UHRF2: variants seen among roughly 807,000 people sequenced by gnomAD.
UHRF2 encodes the protein ubiquitin like with PHD and ring finger domains 2.
Under a neutral mutation model 96.8 loss-of-function variants are expected in UHRF2, and 23 were observed. That is an observed-to-expected ratio of 0.24 (90% CI 0.17 to 0.34). The LOEUF is 0.34. Ranked by LOEUF, UHRF2 falls within the 10% of genes least tolerant of loss-of-function variation. UHRF2 has a pLI of 1.00. For missense variants in UHRF2, 685 were observed against 981.5 expected (o/e 0.70, Z 4.04); for synonymous variants, 385 against 332.6 (o/e 1.16, Z -1.72).
intron 2 of UHRF2, among the ~76,000 whole-genome samples, chr9:6,421,853 G>A (rs1263228408): frequency 3.9e-5 from 6 of 152,114 alleles, no homozygotes; most frequent in Non-Finnish European, 5.9e-5. Context: ...TCTCTAGGCA[G>A]TATGTTTTGT....
At chr9:6,445,615 T>G (rs1821440609) in intron 3 of UHRF2, among the ~76,000 whole-genome samples, 1 of 152,198 alleles carries the variant, frequency 6.6e-6, no homozygotes, top group Non-Finnish European at 1.5e-5. Context: ...TGGAGTGCAG[T>G]GGCACAACCA....
chr9:6,441,077 G>T (rs929107096), intron 3 of UHRF2, among the ~76,000 whole-genome samples: 1 of 152,158 alleles, frequency 6.6e-6, no homozygotes, highest in Admixed American at 6.6e-5. Context: ...TCAGCACCAC[G>T]TGTTAGAAAT....
Position 6,499,821 on chromosome 9 carries a change from TCCC to T in UHRF2, c.1909-8_1909-6del. On this transcript the variant is annotated splice_polypyrimidine_tract_variant and intron_variant, in intron 12 of 15. Coordinates refer to ENST00000276893, the MANE Select transcript of UHRF2 (RefSeq NM_152896.3). ...TAAATCTGCATTGTACTCTCCCTCCTCCCCCCCCATCAGTATCCAGCAGGTTAC... is the reference window on the plus strand; with the variant it reads ...TAAATCTGCATTGTACTCTCCCTCCTCCCCCATCAGTATCCAGCAGGTTAC... The T allele has an allele frequency of 1.3e-6, 2 of 1,532,710 alleles. No homozygotes were observed. The highest frequency in any genetic ancestry group is 1.8e-6 in the Non-Finnish European group (2 of 1,125,478). The allele number at this position is 1,532,710 out of a possible 1,614,324, so 94.9% of individuals were successfully genotyped here.
Position 6,503,308 on chromosome 9 carries a change from A to G in UHRF2, c.2164-1285A>G, listed in dbSNP as rs577891507. Among the ~76,000 whole-genome samples the G allele has an allele frequency of 3.3e-5, 5 of 152,222 alleles. 1 individual carries two copies. The South Asian group carries it at 8.3e-4, about 25-fold the overall frequency. On this transcript the variant is annotated intron_variant, in intron 14 of 15. Transcript: ENST00000276893. ...ACCATGCTTGGCCTTAACTTTTTCT[A>G]TTAATATAAAAAATAAATATGAAAT...
chr9:6,497,929 G>C, intron 11 of UHRF2, 89 bp from the exon 12 acceptor site: 5 of 1,507,244 alleles, frequency 3.3e-6, no homozygotes, highest in South Asian at 1.3e-5. Context: ...GTTGCATTTA[G>C]TTCTGGCAAA....
rs1327175500 is a variant in UHRF2 at position 6,413,259 on chromosome 9, C to A, written c.-232C>A. ...CTTCCTATCTTTGAGGCGGTGTCTG[C>A]GGCAGCGCCTCAGAGTGGTTCCGGT... On this transcript the variant is annotated 5_prime_UTR_variant, in exon 1 of 16. Transcript: ENST00000276893. The A allele has an allele frequency of 9.9e-6, 2 of 201,416 alleles. No individual in the cohort carries two copies. Among genetic ancestry groups the A allele is most frequent in the Admixed American group, 1.2e-4 (2 of 16,648 alleles). The allele number at this position is 201,416 out of a possible 1,614,324, so 12.5% of individuals were successfully genotyped here.
chr9:6,487,368 T>C (rs1824364752), intron 9 of UHRF2, among the ~76,000 whole-genome samples: 1 of 151,916 alleles, frequency 6.6e-6, no homozygotes, highest in Non-Finnish European at 1.5e-5. Flanking sequence ...TTTGTATTTT[T>C]ATGTATTTAT....
In UHRF2 at chr9:6,436,938, C is replaced by T. The variant is rs180996835; in HGVS notation, c.644+2765C>T. On this transcript the variant is annotated intron_variant, in intron 3 of 15. Coordinates refer to ENST00000276893, the MANE Select transcript of UHRF2 (RefSeq NM_152896.3). Reference sequence around the variant, plus strand: ...ACTTTCTTTGAAAAATGAAAGATAACAGAAGCTTAGTAACAGGTAAATGTC... The same window carrying T: ...ACTTTCTTTGAAAAATGAAAGATAATAGAAGCTTAGTAACAGGTAAATGTC... Among the ~76,000 whole-genome samples, 647 of 152,138 alleles carry T rather than the reference C, an allele frequency of 4.3e-3. 1 individual carries two copies. Among genetic ancestry groups the T allele is most frequent in the Middle Eastern group, 0.02 (6 of 294 alleles).
Position 6,504,642 on chromosome 9 carries a change from A to C in UHRF2, c.2213A>C (p.Glu738Ala). 1 of 1,613,910 alleles carries C rather than the reference A, an allele frequency of 6.2e-7. No homozygotes were observed. Among genetic ancestry groups the C allele is most frequent in the Non-Finnish European group, 8.5e-7 (1 of 1,179,882 alleles). The stretch of plus-strand genomic sequence containing the variant: ...TCTTTTATGTGCGTTTGCTGTCAGG[A>C]GCTAGTTTACCAGCCTGTGACAACT... ...EQSFMCVCCQ[E>A]LVYQPVTTEC... The change falls in exon 15 of 16, where the codon GAG (glutamate) becomes GCG (alanine). Residue 738 changes from glutamate (E) to alanine (A), a missense_variant. Glu to Ala is a moderately radical substitution (Grantham distance 107). Transcript: ENST00000276893.
In UHRF2 at chr9:6,413,656, C is replaced by T. The variant is rs777678931; in HGVS notation, c.153+13C>T. ...CCGGGGCAAGCAGGTGAGGCGCGCC[C>T]GCCGCGCCCCTAGCGAGGCTGGGGG... On this transcript the variant is annotated intron_variant, in intron 1 of 15. Coordinates refer to ENST00000276893, the MANE Select transcript of UHRF2 (RefSeq NM_152896.3). 3 of 1,564,154 alleles carry T rather than the reference C, an allele frequency of 1.9e-6. No homozygotes were observed. Among genetic ancestry groups the T allele is most frequent in the Non-Finnish European group, 2.6e-6 (3 of 1,158,420 alleles).
intron 2 of UHRF2, among the ~76,000 whole-genome samples, chr9:6,424,502 T>C (rs1820127926): frequency 6.6e-6 from 1 of 152,238 alleles, no homozygotes; most frequent in Non-Finnish European, 1.5e-5. Flanking sequence ...TTATTTGTGT[T>C]ACCACCTCCA....
intron 9 of UHRF2, among the ~76,000 whole-genome samples, chr9:6,489,365 C>G (rs1389716430): frequency 6.6e-6 from 1 of 152,196 alleles, no homozygotes; most frequent in Non-Finnish European, 1.5e-5. Flanking sequence ...GATAAAGCTA[C>G]AGTAAATATT....
At chr9:6,458,555 C>G (rs1468341288) in intron 3 of UHRF2, among the ~76,000 whole-genome samples, 2 of 151,264 alleles carry the variant, frequency 1.3e-5, no homozygotes, top group African/African-American at 4.9e-5. Context: ...TGTGTTTGCT[C>G]TTGCTTCTCT....
intron 4 of UHRF2, among the ~76,000 whole-genome samples, chr9:6,466,848 C>G (rs149441956): frequency 3.9e-5 from 6 of 152,212 alleles, no homozygotes; most frequent in Non-Finnish European, 8.8e-5. Flanking sequence ...ATTTGACTTA[C>G]TCTGTCTCTT....
chr9:6,462,340 A>C (rs949663932), intron 4 of UHRF2, among the ~76,000 whole-genome samples: 20 of 151,862 alleles, frequency 1.3e-4, no homozygotes, highest in African/African-American at 4.6e-4. Context: ...AAAAAAAAAA[A>C]TGATGCGAGG....
rs1419624465 is a variant in UHRF2 at position 6,427,809 on chromosome 9, C to G, written c.385-6105C>G. Among the ~76,000 whole-genome samples, 6 of 152,274 alleles carry G rather than the reference C, an allele frequency of 3.9e-5. No homozygotes were observed. In the East Asian group the frequency reaches 1.2e-3, roughly 29 times the overall value. On this transcript the variant is annotated intron_variant, in intron 2 of 15. Coordinates refer to ENST00000276893, the MANE Select transcript of UHRF2 (RefSeq NM_152896.3). ...ATATGTTATTGCAAGAAACTAGATA[C>G]CACTACTACATATGGAGAGCCTATG... is the stretch of plus-strand genomic sequence containing the variant.
At chr9:6,416,978 T>G (rs1305624117) in intron 1 of UHRF2, among the ~76,000 whole-genome samples, 1 of 152,122 alleles carries the variant, frequency 6.6e-6, no homozygotes, top group African/African-American at 2.4e-5. Context: ...TCCCACTTGG[T>G]TTTCACACAG....
chr9:6,415,462 AT>A (rs1819544432), intron 1 of UHRF2: 1 of 152,194 alleles, frequency 6.6e-6, no homozygotes, highest in Non-Finnish European at 1.5e-5. Context: ...ACAAGTAGCT[AT>A]GGCAATGAGT....
intron 2 of UHRF2, among the ~76,000 whole-genome samples, chr9:6,425,711 C>T (rs1489524809): frequency 6.6e-6 from 1 of 152,002 alleles, no homozygotes; most frequent in African/African-American, 2.4e-5. Context: ...TACGGGGAGC[C>T]GAGATCGCGC....
Sources: gnomAD v4.1 joint callset for allele counts (sites outside exome capture counted in the v4.1 genomes callset) on GRCh38, gnomAD v4.1.1 for gene constraint, MANE v1.5 for transcripts, NCBI Gene and HGNC (gene_info 2026-07-23, HGNC 2026-07-21) for gene names.